C19orf38: variants seen among roughly 807,000 people sequenced by gnomAD.
C19orf38 encodes the protein protein HIDE1.
Under a neutral mutation model 26.6 loss-of-function variants are expected in C19orf38, and 14 were observed. The observed-to-expected ratio is 0.53, with a 90% CI of 0.35 to 0.82. The LOEUF is 0.82. Ranked by LOEUF, C19orf38 falls within the 40% of genes least tolerant of loss-of-function variation. C19orf38 has a pLI of 0.01. For missense variants in C19orf38, 261 were observed against 299.5 expected (o/e 0.87, Z 0.95); for synonymous variants, 132 against 128.5 (o/e 1.03, Z -0.18).
At chr19:10,853,466 A>G (rs2146257284) in intron 2 of C19orf38, among the ~76,000 whole-genome samples, 1 of 123,888 alleles carries the variant, frequency 8.1e-6, no homozygotes, top group South Asian at 2.5e-4. Context: ...TTTGAGTTTT[A>G]GTAGAGATGG....
intron 6 of C19orf38, 26 bp downstream of exon 6, chr19:10,863,233 G>C: frequency 6.5e-7 from 1 of 1,548,588 alleles, no homozygotes; most frequent in Non-Finnish European, 8.7e-7. Flanking sequence ...TCTTGGAACC[G>C]GTTTTCTGCT....
intron 6 of C19orf38, among the ~76,000 whole-genome samples, chr19:10,865,163 G>T (rs1379145616): frequency 6.6e-6 from 1 of 152,122 alleles, no homozygotes; most frequent in Non-Finnish European, 1.5e-5. Flanking sequence ...ATTTTTGTTT[G>T]TTTTTTGAGA....
intron 4 of C19orf38, 94 bp downstream of exon 4, chr19:10,858,437 G>A (rs1599667231): frequency 8.2e-6 from 10 of 1,223,188 alleles, no homozygotes; most frequent in African/African-American, 3.1e-5. Context: ...CACAAACAGC[G>A]CCTCCTGGTG....
intron 6 of C19orf38, among the ~76,000 whole-genome samples, chr19:10,868,261 G>A (rs531364145): frequency 6.6e-6 from 1 of 152,244 alleles, no homozygotes; most frequent in Non-Finnish European, 1.5e-5. Context: ...AGGTGGGATC[G>A]ATTATTTTCT....
At chr19:10,854,165 C>T (rs1441249615) in intron 2 of C19orf38, among the ~76,000 whole-genome samples, 1 of 151,492 alleles carries the variant, frequency 6.6e-6, no homozygotes, top group Non-Finnish European at 1.5e-5. Flanking sequence ...CAGGCTCAAG[C>T]GATTCTCGTG....
At chr19:10,843,178 A>G (rs1599654855) in intron 1 of C19orf38, among the ~76,000 whole-genome samples, 1 of 152,340 alleles carries the variant, frequency 6.6e-6, no homozygotes. Flanking sequence ...GTCCAACAGT[A>G]TAGAAAACCA....
intron 5 of C19orf38, among the ~76,000 whole-genome samples, chr19:10,861,236 A>G (rs368944154): frequency 2.0e-5 from 3 of 152,352 alleles, no homozygotes; most frequent in East Asian, 3.9e-4. Flanking sequence ...GGCCAGCTCC[A>G]TGGGGAAAGG....
At chr19:10,867,450 C>CA (rs536371317) in intron 6 of C19orf38, among the ~76,000 whole-genome samples, 8,315 of 90,764 alleles carry the variant, frequency 0.092, 488 homozygotes, top group East Asian at 0.36. Context: ...ACTAAAACTA[C>CA]AAAAAAAAAA....
intron 1 of C19orf38, among the ~76,000 whole-genome samples, chr19:10,838,735 AG>A (rs2073456908): frequency 1.3e-5 from 2 of 152,084 alleles, no homozygotes; most frequent in Non-Finnish European, 2.9e-5. Flanking sequence ...AGCAAAATAC[AG>A]GGGGGTTTAT....
upstream of C19orf38, among the ~76,000 whole-genome samples, chr19:10,845,731 T>G (rs1355562963): frequency 1.3e-5 from 2 of 151,498 alleles, no homozygotes; most frequent in African/African-American, 4.9e-5. Context: ...TACAAAAAAT[T>G]AGCCATGCAT....
rs1052861179 is a variant in C19orf38 at position 10,856,225 on chromosome 19, G to A, written c.341-40G>A. ...CTACTCAAAGGTAACCTGGAGAGAC[G>A]ACACTGACCTGCCCACTCTCTTTTC... On this transcript the variant is annotated intron_variant, in intron 2 of 6. Transcript: ENST00000397820. The A allele has an allele frequency of 2.1e-5, 32 of 1,498,264 alleles. No individual in the cohort carries two copies. The African/African-American group carries it at 2.9e-4, about 14-fold the overall frequency. The allele number at this position is 1,498,264 out of a possible 1,614,324, so 92.8% of individuals were successfully genotyped here. A position where few individuals can be genotyped will look rare whatever the true frequency, so the allele number is the denominator to read the frequency against.
At chr19:10,844,880 C>T (rs1207096342), upstream of C19orf38, among the ~76,000 whole-genome samples, 2 of 129,128 alleles carry the variant, frequency 1.5e-5, no homozygotes, top group Non-Finnish European at 3.3e-5. Flanking sequence ...GGAGGCTGGG[C>T]GTGGTGGTGG....
chr19:10,844,845 C>A (rs59487457), upstream of C19orf38, among the ~76,000 whole-genome samples: 2 of 124,476 alleles, frequency 1.6e-5, no homozygotes, highest in African/African-American at 6.1e-5. Flanking sequence ...GAGATTCCAT[C>A]TCAAAAAAAA....
At chr19:10,850,621 C>T (rs2073563397) in intron 2 of C19orf38, 54 bp downstream of exon 2, 7 of 1,512,500 alleles carry the variant, frequency 4.6e-6, no homozygotes, top group Admixed American at 2.0e-5. Flanking sequence ...CTCACATGGA[C>T]CTCTTGTGTG....
At chr19:10,848,337 G>A, upstream of C19orf38, 1 of 647,334 alleles carries the variant, frequency 1.5e-6, no homozygotes, top group South Asian at 1.8e-5. Flanking sequence ...AGGGGAGAGA[G>A]TCCCTTTCAG....
At chr19:10,862,693 A>G (rs1408998264) in intron 5 of C19orf38, among the ~76,000 whole-genome samples, 1 of 152,052 alleles carries the variant, frequency 6.6e-6, no homozygotes, top group Non-Finnish European at 1.5e-5. Flanking sequence ...AGCTAGGTGT[A>G]GTGGTGCATG....
At position 10,865,937 on chromosome 19, in the gene C19orf38, C is replaced by T. The variant is rs533635735; in HGVS notation, c.543+2730C>T. ...AAAAGATCCTCCAGCCTCAGCCTCC[C>T]GAGTAGCTGGGACCACAGACTTCCA... On this transcript the variant is annotated intron_variant, in intron 6 of 6. Transcript: ENST00000397820. Among the ~76,000 whole-genome samples, 5 of 152,070 alleles carry T rather than the reference C, an allele frequency of 3.3e-5. No homozygotes were observed. The East Asian group carries it at 5.8e-4, about 18-fold the overall frequency.
At chr19:10,863,321 G>C (rs529713309) in intron 6 of C19orf38, 114 bp downstream of exon 6, 22 of 1,239,436 alleles carry the variant, frequency 1.8e-5, no homozygotes, top group Admixed American at 1.7e-4. Flanking sequence ...TAAGCTGCGG[G>C]GGGGCTAGGA....
At chr19:10,863,231 C>A in intron 6 of C19orf38, 24 bp downstream of exon 6, 1 of 1,549,568 alleles carries the variant, frequency 6.5e-7, no homozygotes, top group Non-Finnish European at 8.7e-7. Context: ...TTTCTTGGAA[C>A]CGGTTTTCTG....
Sources: allele counts gnomAD v4.1 joint callset (sites outside exome capture counted in the v4.1 genomes callset), GRCh38; gene constraint gnomAD v4.1.1; transcripts MANE v1.5; gene names NCBI Gene and HGNC (gene_info 2026-07-23, HGNC 2026-07-21).